Variants in MAGEB10 observed in about 807,000 individuals in gnomAD.
MAGEB10 encodes melanoma-associated antigen B10.
For missense variants in MAGEB10, 190 were observed against 261.9 expected (o/e 0.73, Z 1.89); for synonymous variants, 99 against 101.0 (o/e 0.98, Z 0.12).
rs1049082862 is a variant in MAGEB10 at position 27,822,851 on chromosome X, T to G, written c.*501T>G. ...TAACACAGTGAAACCCCGTCTCTAC[T>G]AAAAATACAAAAAATTAGCCAGGCG... On this transcript the variant is annotated 3_prime_UTR_variant, in exon 3 of 3. Transcript: ENST00000356790. 1 of 122,487 alleles carries G rather than the reference T, an allele frequency of 8.2e-6. No homozygotes were observed. The highest frequency in any genetic ancestry group is 3.3e-5 in the African/African-American group (1 of 30,145). The allele number at this position is 122,487 out of a possible 1,213,427, so 10.1% of individuals were successfully genotyped here. A position where few individuals can be genotyped will look rare whatever the true frequency, so the allele number is the denominator to read the frequency against.
intron 2 of MAGEB10, among the ~76,000 whole-genome samples, chrX:27,819,092 G>A (rs1025601547): frequency 9.0e-6 from 1 of 110,917 alleles, no homozygotes; most frequent in Non-Finnish European, 1.9e-5. Flanking sequence ...CCAATGCCTC[G>A]ATGTTAGGCC....
chrX:27,814,751 T>G (rs1276084185), intron 1 of MAGEB10, among the ~76,000 whole-genome samples: 1 of 111,934 alleles, frequency 8.9e-6, no homozygotes, highest in East Asian at 2.8e-4. Context: ...TCATAGAGCT[T>G]TGCAATTTTC....
intron 1 of MAGEB10, among the ~76,000 whole-genome samples, chrX:27,809,679 G>A (rs899704448): frequency 5.7e-5 from 5 of 88,066 alleles, no homozygotes; most frequent in Non-Finnish European, 8.9e-5. Flanking sequence ...GACTGCGGGC[G>A]CATGGCGCGG....
Position 27,821,815 on chromosome X carries a change from A to C in MAGEB10, c.509A>C (p.Glu170Ala). 8.3e-7 allele frequency: 1 copy of C among 1,211,589 alleles called. No individual in the cohort carries two copies. The highest frequency in any genetic ancestry group is 1.1e-6 in the Non-Finnish European group (1 of 895,530). The change falls in exon 3 of 3, where the codon GAA (glutamate) becomes GCA (alanine). Residue 170 changes from glutamate (E) to alanine (A), a missense_variant. Physicochemically the swap from Glu to Ala is moderately radical, Grantham distance 107. Transcript: ENST00000356790. The stretch of plus-strand genomic sequence containing the variant: ...CTGATCTTTGGTCTTGACCTGAAGG[A>C]AGTGGAGCCTAATAAGCACATCTAT... Reference protein sequence around the residue: ...LELIFGLDLKEVEPNKHIYVL... With the variant: ...LELIFGLDLKAVEPNKHIYVL...
intron 1 of MAGEB10, 36 bp downstream of exon 1, chrX:27,808,072 C>G (rs1244844583): frequency 8.9e-6 from 1 of 112,567 alleles, no homozygotes; most frequent in African/African-American, 3.2e-5. Flanking sequence ...TTGAGGGGAC[C>G]CACTACCACA....
chrX:27,817,857 C>T (rs1923808757), intron 2 of MAGEB10, among the ~76,000 whole-genome samples, 155 bp downstream of exon 2: 1 of 111,623 alleles, frequency 9.0e-6, no homozygotes, highest in African/African-American at 3.3e-5. Context: ...ACAAGAAAAC[C>T]TCAATTAGTG....
chrX:27,815,583 T>C (rs1923769410), intron 1 of MAGEB10, among the ~76,000 whole-genome samples: 1 of 111,977 alleles, frequency 8.9e-6, no homozygotes, highest in Admixed American at 9.4e-5. Flanking sequence ...ATCCATACAC[T>C]AGTGAGCTTA....
chrX:27,817,308 A>G, intron 1 of MAGEB10, among the ~76,000 whole-genome samples: 1 of 110,486 alleles, frequency 9.1e-6, no homozygotes, highest in East Asian at 2.8e-4. Context: ...AAAATAGTGT[A>G]TGTATTCTTG....
intron 1 of MAGEB10, among the ~76,000 whole-genome samples, chrX:27,817,059 C>T (rs1923795387): frequency 9.2e-6 from 1 of 109,072 alleles, no homozygotes; most frequent in African/African-American, 3.3e-5. Flanking sequence ...TCCATGCCTT[C>T]TCTTCCATGC....
intron 1 of MAGEB10, among the ~76,000 whole-genome samples, chrX:27,809,226 A>C (rs1338129037): frequency 9.1e-6 from 1 of 110,115 alleles, no homozygotes; most frequent in Non-Finnish European, 1.9e-5. Flanking sequence ...CGGGCCCGGC[A>C]CTCAGAGCAG....
intron 1 of MAGEB10, chrX:27,812,977 C>G: frequency 6.4e-6 from 1 of 156,773 alleles, no homozygotes; most frequent in Non-Finnish European, 1.3e-5. Context: ...CAGTGTTTCA[C>G]TAGTGGAGGG....
In MAGEB10 at chrX:27,822,492, GT is replaced by G; in HGVS notation, c.*144del. 5.2e-6 allele frequency: 3 copies of G among 577,245 alleles called. No homozygotes were observed. The highest frequency in any genetic ancestry group is 5.3e-6 in the Non-Finnish European group (2 of 377,615). 47.6% of individuals were successfully genotyped at this position (577,245 alleles called of 1,213,427 possible). A position where few individuals can be genotyped will look rare whatever the true frequency, so the allele number is the denominator to read the frequency against. On this transcript the variant is annotated 3_prime_UTR_variant, in exon 3 of 3. Coordinates refer to ENST00000356790, the MANE Select transcript of MAGEB10 (RefSeq NM_182506.3). Reference sequence around the variant, plus strand: ...GTGATGGCTTGGAATTTTTGAAGATGTTGTTCCTTTAATAGATGGTTAAAGT... The same window carrying G: ...GTGATGGCTTGGAATTTTTGAAGATGTGTTCCTTTAATAGATGGTTAAAGT...
At chrX:27,808,112 G>C (rs1027427273) in intron 1 of MAGEB10, 76 bp downstream of exon 1, 1 of 110,498 alleles carries the variant, frequency 9.0e-6, no homozygotes, top group Non-Finnish European at 1.9e-5. Context: ...GTCCGGCCTC[G>C]GCCTTAAGCC....
At position 27,818,278 on chromosome X, in the gene MAGEB10, G is replaced by T. The variant is rs1463527189; in HGVS notation, c.-50+576G>T. Among the ~76,000 whole-genome samples, 24 of 111,010 alleles carry T rather than the reference G, an allele frequency of 2.2e-4. No homozygotes were observed. In the Admixed American group the frequency reaches 2.3e-3, roughly 11 times the overall value. On this transcript the variant is annotated intron_variant, in intron 2 of 2. Coordinates refer to ENST00000356790, the MANE Select transcript of MAGEB10 (RefSeq NM_182506.3). Reference sequence around the variant, plus strand: ...CAGGGCACCCTTTCCAGTGTAGCAGGGTTGAGAGCTGTCTTGATGCCTATA... The same window carrying T: ...CAGGGCACCCTTTCCAGTGTAGCAGTGTTGAGAGCTGTCTTGATGCCTATA...
At chrX:27,819,315 C>G (rs1047769376) in intron 2 of MAGEB10, among the ~76,000 whole-genome samples, 1 of 111,184 alleles carries the variant, frequency 9.0e-6, no homozygotes, top group African/African-American at 3.3e-5. Flanking sequence ...CTTCTAAGAG[C>G]TGCACCCCTG....
intron 1 of MAGEB10, among the ~76,000 whole-genome samples, chrX:27,814,526 A>G (rs1338480922): frequency 1.8e-5 from 2 of 112,157 alleles, no homozygotes. Context: ...GTGCTGTATC[A>G]TAGAGTGCTG....
intron 1 of MAGEB10, among the ~76,000 whole-genome samples, chrX:27,809,645 C>T (rs1923637097): frequency 1.3e-5 from 1 of 74,751 alleles, no homozygotes; most frequent in Non-Finnish European, 2.5e-5. Context: ...GGTGCCCAGT[C>T]CCATCGACCA....
At chrX:27,814,378 A>G (rs1013601275) in intron 1 of MAGEB10, among the ~76,000 whole-genome samples, 1 of 111,796 alleles carries the variant, frequency 8.9e-6, no homozygotes, top group South Asian at 3.7e-4. Context: ...GGAAGGAATT[A>G]GTCTTTGACA....
chrX:27,822,371 T>C lies in MAGEB10; in HGVS notation c.*21T>C. On this transcript the variant is annotated 3_prime_UTR_variant, in exon 3 of 3. Transcript: ENST00000356790. ...AGTAAAGTCTGAGGGAGATTCTTCA[T>C]TTGTGTTTGAAAAGAAATGCACATT... 8.5e-7 allele frequency: 1 copy of C among 1,177,455 alleles called. No individual in the cohort carries two copies. Among genetic ancestry groups the C allele is most frequent in the South Asian group, 1.9e-5 (1 of 51,466 alleles).
Sources: gnomAD v4.1 joint callset for allele counts (sites outside exome capture counted in the v4.1 genomes callset) on GRCh38, gnomAD v4.1.1 for gene constraint, MANE v1.5 for transcripts, NCBI Gene and HGNC (gene_info 2026-07-23, HGNC 2026-07-21) for gene names.